ARL15: variants seen among roughly 807,000 people sequenced by gnomAD.
ARL15 encodes ADP-ribosylation factor-like protein 15.
ARL15 carries 19 observed loss-of-function variants against 25.2 expected under a neutral mutation model. The observed-to-expected ratio is 0.75, with a 90% CI of 0.53 to 1.10. ARL15 has a LOEUF of 1.10. ARL15 is among the 50% of genes least tolerant of loss of function. ARL15 has a pLI of 0.00. For synonymous variants in ARL15, 94 were observed against 86.8 expected, an observed-to-expected ratio of 1.08 and a Z score of -0.46; for missense variants, 220 against 246.0, an observed-to-expected ratio of 0.89 and a Z score of 0.71.
chr5:54,104,137 A>G (rs1030836071), intron 4 of ARL15, among the ~76,000 whole-genome samples: 1 of 152,132 alleles, frequency 6.6e-6, no homozygotes, highest in African/African-American at 2.4e-5. Context: ...AACTGAAGGC[A>G]TTGTTCCAGC....
chr5:53,953,781 T>C (rs1747052036), intron 4 of ARL15, among the ~76,000 whole-genome samples: 1 of 152,196 alleles, frequency 6.6e-6, no homozygotes, highest in African/African-American at 2.4e-5. Context: ...AATACGGATA[T>C]ATCAAAAGTT....
chr5:53,969,092 A>G (rs1747657354), intron 4 of ARL15, among the ~76,000 whole-genome samples: 1 of 152,104 alleles, frequency 6.6e-6, no homozygotes, highest in African/African-American at 2.4e-5. Flanking sequence ...TGGAGGTTGC[A>G]GTGAGCCGAG....
chr5:53,977,956 G>A (rs1747996393), intron 4 of ARL15, among the ~76,000 whole-genome samples: 1 of 151,960 alleles, frequency 6.6e-6, no homozygotes, highest in Non-Finnish European at 1.5e-5. Context: ...TAAATGGAAG[G>A]TCTGAGGCTT....
At chr5:54,236,978 A>T (rs186215630) in intron 1 of ARL15, among the ~76,000 whole-genome samples, 14 of 152,296 alleles carry the variant, frequency 9.2e-5, no homozygotes, top group South Asian at 2.1e-4. Flanking sequence ...AGTGAAAATG[A>T]TGTGTACAAA....
At chr5:54,098,895 A>C (rs1752360177) in intron 4 of ARL15, among the ~76,000 whole-genome samples, 1 of 152,206 alleles carries the variant, frequency 6.6e-6, no homozygotes, top group South Asian at 2.1e-4. Flanking sequence ...AAGTAATACA[A>C]AGTAATCCAT....
At chr5:54,195,657 T>G (rs1308840295) in intron 1 of ARL15, among the ~76,000 whole-genome samples, 2 of 152,216 alleles carry the variant, frequency 1.3e-5, no homozygotes, top group African/African-American at 4.8e-5. Context: ...TCCCTTCATA[T>G]TCAACCCTCC....
intron 3 of ARL15, among the ~76,000 whole-genome samples, chr5:54,115,625 A>G (rs2112226465): frequency 6.6e-6 from 1 of 152,298 alleles, no homozygotes; most frequent in Middle Eastern, 3.4e-3. Flanking sequence ...TCAGGTCCTA[A>G]AATCTGTGAT....
chr5:54,208,539 T>C (rs1755940311), intron 1 of ARL15, among the ~76,000 whole-genome samples: 2 of 152,126 alleles, frequency 1.3e-5, no homozygotes, highest in African/African-American at 4.8e-5. Context: ...TACAAAATGT[T>C]CAGGATCAAA....
chr5:54,103,994 T>A (rs776690071), intron 4 of ARL15, among the ~76,000 whole-genome samples: 2 of 152,214 alleles, frequency 1.3e-5, no homozygotes, highest in Non-Finnish European at 2.9e-5. Context: ...ACTTCTGTAG[T>A]CTGGCTTTGC....
At chr5:54,135,660 T>C (rs73754461) in intron 3 of ARL15, among the ~76,000 whole-genome samples, 3,991 of 152,250 alleles carry the variant, frequency 0.026, 211 homozygotes, top group African/African-American at 0.091. Flanking sequence ...CATATATACA[T>C]ACTTTCTGAG....
chr5:54,150,180 T>A (rs1396611021), intron 3 of ARL15, among the ~76,000 whole-genome samples: 1 of 152,218 alleles, frequency 6.6e-6, no homozygotes, highest in Non-Finnish European at 1.5e-5. Context: ...GCCTGGCATG[T>A]AATACATGCT....
At chr5:54,152,034 A>G (rs75745812) in intron 3 of ARL15, among the ~76,000 whole-genome samples, 3,931 of 152,174 alleles carry the variant, frequency 0.026, 150 homozygotes, top group African/African-American at 0.083. Flanking sequence ...CTTAATCTCT[A>G]TATTTACCAC....
At chr5:54,152,423 G>C (rs1451034771) in intron 3 of ARL15, among the ~76,000 whole-genome samples, 2 of 152,144 alleles carry the variant, frequency 1.3e-5, no homozygotes, top group East Asian at 3.9e-4. Flanking sequence ...TTGAGGAAAT[G>C]ACTTAGTGAA....
At chr5:54,010,320 A>G (rs140307651) in intron 4 of ARL15, among the ~76,000 whole-genome samples, 1,805 of 152,342 alleles carry the variant, frequency 0.012, 32 homozygotes, top group African/African-American at 0.041. Flanking sequence ...TCAATAAATG[A>G]GCTACAAATT....
intron 4 of ARL15, among the ~76,000 whole-genome samples, chr5:53,979,980 C>T (rs984891205): frequency 1.3e-5 from 2 of 152,116 alleles, no homozygotes; most frequent in African/African-American, 2.4e-5. Context: ...GCTGGGATTA[C>T]AGGCGTGAGC....
intron 4 of ARL15, among the ~76,000 whole-genome samples, chr5:53,946,455 GAAAAAAAAAA>G (rs55727717): frequency 1.8e-4 from 8 of 43,960 alleles, no homozygotes; most frequent in South Asian, 1.5e-3. Flanking sequence ...GTCTCAAGAG[GAAAAAAAAAA>G]AAAAAAAAAA....
At chr5:54,152,636 A>C (rs529003839) in intron 3 of ARL15, among the ~76,000 whole-genome samples, 16 of 152,232 alleles carry the variant, frequency 1.1e-4, no homozygotes, top group Non-Finnish European at 1.5e-5. Flanking sequence ...CCAAAAACTT[A>C]TGTATCACTA....
chr5:54,016,432 A>G (rs1421677113), intron 4 of ARL15, among the ~76,000 whole-genome samples: 1 of 152,122 alleles, frequency 6.6e-6, no homozygotes, highest in Non-Finnish European at 1.5e-5. Context: ...GTCACAATCC[A>G]CAGGACTCAT....
At chr5:53,925,389 G>T (rs1324642276) in intron 4 of ARL15, among the ~76,000 whole-genome samples, 1 of 152,004 alleles carries the variant, frequency 6.6e-6, no homozygotes, top group African/African-American at 2.4e-5. Flanking sequence ...TAGAGACAGG[G>T]TTTTGCTATG....
Sources: gnomAD v4.1 joint callset for allele counts (sites outside exome capture counted in the v4.1 genomes callset) on GRCh38, gnomAD v4.1.1 for gene constraint, MANE v1.5 for transcripts, NCBI Gene and HGNC (gene_info 2026-07-23, HGNC 2026-07-21) for gene names.